Variants in NKAIN2 observed in about 807,000 individuals in gnomAD.
NKAIN2 encodes sodium/potassium transporting ATPase interacting 2, also known as sodium/potassium-transporting ATPase subunit beta-1-interacting protein 2.
Under a neutral mutation model 32.6 loss-of-function variants are expected in NKAIN2, and 14 were observed. The ratio of observed to expected loss-of-function variants is 0.43; its 90% CI spans 0.28 to 0.67. NKAIN2 has a LOEUF of 0.67. Among genes scored for constraint, NKAIN2 ranks in the 30% least tolerant of loss-of-function variants. The pLI is 0.17. For missense variants in NKAIN2, 198 were observed against 258.3 expected, an observed-to-expected ratio of 0.77 and a Z score of 1.60; for synonymous variants, 80 against 87.2, an observed-to-expected ratio of 0.92 and a Z score of 0.46.
At chr6:124,582,227 C>T (rs1246501807) in intron 3 of NKAIN2, among the ~76,000 whole-genome samples, 1 of 151,910 alleles carries the variant, frequency 6.6e-6, no homozygotes, top group Non-Finnish European at 1.5e-5. Context: ...ATTAGGAGAT[C>T]ATTAGTAGCT....
chr6:124,783,598 AGT>A lies in NKAIN2; in HGVS notation c.475-7736_475-7735del, dbSNP rs1354487098. Among the ~76,000 whole-genome samples, 15 of 152,302 alleles carry A rather than the reference AGT, an allele frequency of 9.8e-5. No homozygotes were observed. The East Asian group carries it at 2.7e-3, about 27-fold the overall frequency. ...ATTACTCGTAGCAGAGAAAATTTGC[AGT>A]GTGTTCCACAATAGTCCAGCCAGTG... On this transcript the variant is annotated intron_variant, in intron 4 of 6. Transcript: ENST00000368417.
chr6:124,141,416 A>G (rs1787132489), intron 1 of NKAIN2, among the ~76,000 whole-genome samples: 2 of 152,180 alleles, frequency 1.3e-5, no homozygotes, highest in Non-Finnish European at 2.9e-5. Context: ...AAATTCAAGT[A>G]TAACAAACAT....
chr6:123,992,442 A>G (rs1457383314), intron 1 of NKAIN2, among the ~76,000 whole-genome samples: 1 of 152,166 alleles, frequency 6.6e-6, no homozygotes, highest in East Asian at 1.9e-4. Context: ...AAACAAACAA[A>G]CGAAACGGAA....
intron 4 of NKAIN2, among the ~76,000 whole-genome samples, chr6:124,732,910 TG>T (rs1275306723): frequency 6.6e-6 from 1 of 151,992 alleles, no homozygotes; most frequent in Non-Finnish European, 1.5e-5. Context: ...TGCCAAAGAT[TG>T]GAAGTAACCA....
At chr6:124,636,023 G>A (rs370312632) in intron 3 of NKAIN2, among the ~76,000 whole-genome samples, 3 of 151,930 alleles carry the variant, frequency 2.0e-5, no homozygotes, top group African/African-American at 4.8e-5. Context: ...CATTCTCCAG[G>A]ATAGAGCATA....
intron 2 of NKAIN2, among the ~76,000 whole-genome samples, chr6:124,339,020 G>C (rs1357404155): frequency 6.6e-6 from 1 of 152,130 alleles, no homozygotes; most frequent in Non-Finnish European, 1.5e-5. Flanking sequence ...CAAACTTGGT[G>C]GTTTAAAACT....
chr6:124,127,885 T>C (rs908586169), intron 1 of NKAIN2, among the ~76,000 whole-genome samples: 2 of 152,144 alleles, frequency 1.3e-5, no homozygotes, highest in East Asian at 1.9e-4. Context: ...TGGAGTGCAG[T>C]GCGCGATCTT....
chr6:124,635,677 T>C (rs1783747851), intron 3 of NKAIN2, among the ~76,000 whole-genome samples: 1 of 151,840 alleles, frequency 6.6e-6, no homozygotes, highest in Admixed American at 6.6e-5. Flanking sequence ...TAAGTAAAAA[T>C]CATAAAATAT....
At chr6:123,972,154 C>T (rs1418938949) in intron 1 of NKAIN2, among the ~76,000 whole-genome samples, 1 of 152,166 alleles carries the variant, frequency 6.6e-6, no homozygotes, top group African/African-American at 2.4e-5. Flanking sequence ...GAATACAGTA[C>T]ATAATACATA....
intron 1 of NKAIN2, among the ~76,000 whole-genome samples, chr6:124,167,186 T>G (rs1172637751): frequency 6.7e-5 from 10 of 148,912 alleles, no homozygotes; most frequent in African/African-American, 2.5e-4. Context: ...TATCCTCTTT[T>G]ATTTCCTTGA....
intron 3 of NKAIN2, among the ~76,000 whole-genome samples, chr6:124,412,891 G>A (rs1774274697): frequency 2.0e-5 from 3 of 152,284 alleles, no homozygotes; most frequent in African/African-American, 7.2e-5. Flanking sequence ...CCCTCCCCGA[G>A]CCTCCCTGTC....
chr6:124,402,889 C>T (rs1773688373), intron 3 of NKAIN2, among the ~76,000 whole-genome samples: 1 of 152,110 alleles, frequency 6.6e-6, no homozygotes, highest in African/African-American at 2.4e-5. Context: ...AATCTGTACA[C>T]CAAATCCTTG....
intron 3 of NKAIN2, among the ~76,000 whole-genome samples, chr6:124,477,188 A>T (rs1467638686): frequency 1.3e-5 from 2 of 152,170 alleles, no homozygotes; most frequent in Non-Finnish European, 2.9e-5. Flanking sequence ...AGAATATAAG[A>T]GCTATTGTGG....
At chr6:124,302,242 T>A (rs1156954355) in intron 2 of NKAIN2, among the ~76,000 whole-genome samples, 1 of 152,248 alleles carries the variant, frequency 6.6e-6, no homozygotes, top group Non-Finnish European at 1.5e-5. Flanking sequence ...CTCCCGGCCA[T>A]GTGAAACTGT....
intron 4 of NKAIN2, among the ~76,000 whole-genome samples, chr6:124,708,709 A>C (rs1422286031): frequency 6.6e-6 from 1 of 152,136 alleles, no homozygotes; most frequent in Non-Finnish European, 1.5e-5. Flanking sequence ...ACTTTGCTGA[A>C]GTTGCTTATC....
intron 3 of NKAIN2, among the ~76,000 whole-genome samples, chr6:124,615,112 T>A (rs1030788053): frequency 3.3e-5 from 5 of 152,244 alleles, no homozygotes; most frequent in Non-Finnish European, 7.3e-5. Flanking sequence ...TCTGCCTATA[T>A]ATGTATTTGT....
At chr6:124,141,287 T>G (rs1787126471) in intron 1 of NKAIN2, among the ~76,000 whole-genome samples, 1 of 152,214 alleles carries the variant, frequency 6.6e-6, no homozygotes. Context: ...CTTTTTACTT[T>G]AGACTTCTTG....
At position 124,811,245 on chromosome 6, in the gene NKAIN2, C is replaced by T. The variant is rs188235796; in HGVS notation, c.536-7142C>T. Among the ~76,000 whole-genome samples the T allele has an allele frequency of 9.8e-4, 149 of 152,254 alleles. 2 individuals carry two copies. The highest frequency in any genetic ancestry group is 2.6e-4 in the Non-Finnish European group (18 of 68,010). ...CAGTGAGTTATTCTAAATATTCAGGCTTAGCTTCCTATGAACTGCCTGTTA... is the reference window on the plus strand; with the variant it reads ...CAGTGAGTTATTCTAAATATTCAGGTTTAGCTTCCTATGAACTGCCTGTTA... On this transcript the variant is annotated intron_variant, in intron 5 of 6. Coordinates refer to ENST00000368417, the MANE Select transcript of NKAIN2 (RefSeq NM_001040214.3).
intron 4 of NKAIN2, among the ~76,000 whole-genome samples, chr6:124,726,933 A>T (rs9491224): frequency 2.9e-5 from 3 of 102,224 alleles, no homozygotes; most frequent in African/African-American, 1.1e-4. Flanking sequence ...GAGCTGATGC[A>T]ATCAACTGGA....
Sources: gnomAD v4.1 joint callset for allele counts (sites outside exome capture counted in the v4.1 genomes callset) on GRCh38, gnomAD v4.1.1 for gene constraint, MANE v1.5 for transcripts, NCBI Gene and HGNC (gene_info 2026-07-23, HGNC 2026-07-21) for gene names.